The following DACH2 variants were observed in gnomAD, a reference collection of about 807,000 sequenced individuals.
The protein encoded by DACH2 is dachshund family transcription factor 2.
A neutral mutation model predicts 35.8 loss-of-function variants in DACH2; 17 were observed. That is an observed-to-expected ratio of 0.48 (90% confidence interval 0.33 to 0.71). The LOEUF (loss-of-function observed/expected upper bound fraction) is 0.71, where lower values mean the gene tolerates loss of function less well. Ranked by LOEUF, DACH2 falls within the 30% of genes least tolerant of loss-of-function variation. The probability of loss-of-function intolerance (pLI) is 0.02; values close to 1 mark genes in which losing one functional copy is unlikely to be tolerated. For synonymous variants in DACH2, 195 were observed against 177.3 expected (o/e 1.10, Z -0.79); for missense variants, 469 against 472.7 (o/e 0.99, Z 0.07).
At chrX:86,412,232 G>A (rs1278416439) in intron 2 of DACH2, among the ~76,000 whole-genome samples, 1 of 111,216 alleles carries the variant, frequency 9.0e-6, no homozygotes, top group Non-Finnish European at 1.9e-5. Context: ...AAGACCTCTA[G>A]GCCAGGAGAA....
intron 2 of DACH2, among the ~76,000 whole-genome samples, chrX:86,428,019 T>A (rs2036922109): frequency 8.9e-6 from 1 of 111,782 alleles, no homozygotes; most frequent in Admixed American, 9.5e-5. Flanking sequence ...AAATTTCAGC[T>A]CACTTAAATG....
At chrX:86,625,332 A>G (rs1159610221) in intron 3 of DACH2, among the ~76,000 whole-genome samples, 1 of 108,790 alleles carries the variant, frequency 9.2e-6, no homozygotes, top group Non-Finnish European at 1.9e-5. Context: ...TTTTCTATTA[A>G]CCAAGAACTA....
chrX:86,374,972 C>T (rs1451917661), intron 1 of DACH2, among the ~76,000 whole-genome samples: 1 of 110,028 alleles, frequency 9.1e-6, no homozygotes, highest in Non-Finnish European at 1.9e-5. Context: ...AGAACAAATT[C>T]AGAAGTATAG....
At chrX:86,603,017 C>T (rs994100324) in intron 3 of DACH2, among the ~76,000 whole-genome samples, 7 of 111,183 alleles carry the variant, frequency 6.3e-5, no homozygotes, top group African/African-American at 2.3e-4. Flanking sequence ...AACTTGTTGG[C>T]GTAAACAACA....
chrX:86,515,242 A>G lies in DACH2; in HGVS notation c.640+851A>G, dbSNP rs1193751655. 2.7e-5 allele frequency among the ~76,000 whole-genome samples: 3 copies of G among 111,054 alleles called. No individual in the cohort carries two copies. The East Asian group carries it at 8.5e-4, about 32-fold the overall frequency. ...TGGAATGTAAATTAATAATTGCATT[A>G]AAGTGTCATAGAGGCCAAAATACAA... On this transcript the variant is annotated intron_variant, in intron 3 of 11. Transcript: ENST00000373125.
At chrX:86,768,443 T>G (rs930208152) in intron 7 of DACH2, among the ~76,000 whole-genome samples, 2 of 111,153 alleles carry the variant, frequency 1.8e-5, no homozygotes, top group African/African-American at 6.5e-5. Context: ...CAATTCTATT[T>G]CTAAGTTACA....
intron 3 of DACH2, among the ~76,000 whole-genome samples, chrX:86,586,533 T>G (rs748085517): frequency 9.0e-6 from 1 of 111,288 alleles, no homozygotes; most frequent in Admixed American, 9.5e-5. Context: ...CTTTCAGGGT[T>G]TTTACATTTA....
At chrX:86,815,583 ATATATACACACACATATATG>A (rs1164025391) in intron 10 of DACH2, among the ~76,000 whole-genome samples, 1 of 107,009 alleles carries the variant, frequency 9.3e-6, no homozygotes, top group Non-Finnish European at 1.9e-5. Context: ...TACTATATAT[ATATATACACACACATATATG>A]TATATACACA....
At chrX:86,400,260 G>T (rs1227173221) in intron 2 of DACH2, among the ~76,000 whole-genome samples, 1 of 110,442 alleles carries the variant, frequency 9.1e-6, no homozygotes, top group African/African-American at 3.3e-5. Context: ...CTCTACATTG[G>T]TTATTCTAGT....
At chrX:86,639,525 C>G (rs994713935) in intron 3 of DACH2, among the ~76,000 whole-genome samples, 4 of 111,624 alleles carry the variant, frequency 3.6e-5, no homozygotes, top group African/African-American at 1.3e-4. Flanking sequence ...ATGGTACATA[C>G]CCCTAGGAAA....
intron 3 of DACH2, among the ~76,000 whole-genome samples, chrX:86,619,260 G>A (rs894043015): frequency 2.9e-4 from 32 of 111,432 alleles, no homozygotes; most frequent in African/African-American, 1.0e-3. Context: ...CTTTGAAAAA[G>A]CCATGTCTAC....
intron 1 of DACH2, among the ~76,000 whole-genome samples, chrX:86,361,859 G>T (rs1452479730): frequency 9.0e-6 from 1 of 110,905 alleles, no homozygotes; most frequent in African/African-American, 3.3e-5. Flanking sequence ...CAATATGGCA[G>T]ATGCAAAGTT....
chrX:86,368,622 G>T (rs1009701931), intron 1 of DACH2, among the ~76,000 whole-genome samples: 1 of 105,293 alleles, frequency 9.5e-6, no homozygotes, highest in African/African-American at 3.5e-5. Context: ...GAGTGCAGTG[G>T]TGCGATCATA....
intron 1 of DACH2, among the ~76,000 whole-genome samples, chrX:86,268,477 A>G (rs2033750803): frequency 9.3e-6 from 1 of 107,924 alleles, no homozygotes; most frequent in African/African-American, 3.3e-5. Flanking sequence ...AATTTTTTTC[A>G]TTCATTTAAA....
At chrX:86,162,870 C>A (rs940468268) in intron 1 of DACH2, among the ~76,000 whole-genome samples, 4 of 110,428 alleles carry the variant, frequency 3.6e-5, no homozygotes, top group African/African-American at 1.3e-4. Flanking sequence ...TGTATATACA[C>A]TTTTTTAGGT....
At position 86,393,939 on chromosome X, in the gene DACH2, T is replaced by TTTATTATTATTA. The variant is rs61097672; in HGVS notation, c.527+17095_527+17106dup. Among the ~76,000 whole-genome samples, 49 of 104,832 alleles carry TTTATTATTATTA rather than the reference T, an allele frequency of 4.7e-4. No individual in the cohort carries two copies. The East Asian group carries it at 7.7e-3, about 17-fold the overall frequency. 91.0% of individuals were successfully genotyped at this position (104,832 alleles called of 115,157 possible). ...TTAACACTTAATAAATGGTAGCTATTTTATTATTATTATTATTATTATTAT... is the reference window on the plus strand; with the variant it reads ...TTAACACTTAATAAATGGTAGCTATTTTATTATTATTATTATTATTATTATTATTATTATTAT... On this transcript the variant is annotated intron_variant, in intron 2 of 11. Coordinates refer to ENST00000373125, the MANE Select transcript of DACH2 (RefSeq NM_053281.3).
At chrX:86,274,409 T>C (rs1339195504) in intron 1 of DACH2, among the ~76,000 whole-genome samples, 3 of 109,238 alleles carry the variant, frequency 2.7e-5, no homozygotes, top group African/African-American at 1.0e-4. Context: ...AGTTGTAACA[T>C]TGTCATAGGA....
chrX:86,198,150 G>T (rs564878494), intron 1 of DACH2, among the ~76,000 whole-genome samples: 4 of 111,970 alleles, frequency 3.6e-5, no homozygotes, highest in East Asian at 2.8e-4. Context: ...TGAATAACCT[G>T]CTCCTGAGTT....
chrX:86,283,847 A>G (rs2034085069), intron 1 of DACH2, among the ~76,000 whole-genome samples: 1 of 103,997 alleles, frequency 9.6e-6, no homozygotes, highest in Non-Finnish European at 1.9e-5. Flanking sequence ...TGTTCTGCAC[A>G]TGTATCCCAG....
Sources: allele counts gnomAD v4.1 joint callset (sites outside exome capture counted in the v4.1 genomes callset), GRCh38; gene constraint gnomAD v4.1.1; transcripts MANE v1.5; gene names NCBI Gene and HGNC (gene_info 2026-07-23, HGNC 2026-07-21).